The following SV2C variants were observed in gnomAD, a reference collection of about 807,000 sequenced individuals.
SV2C encodes solute carrier family 22 member B3.
In SV2C, 49 loss-of-function variants were observed where a neutral mutation model predicts 79.7. The ratio of observed to expected loss-of-function variants is 0.61; its 90% CI spans 0.49 to 0.78. The LOEUF is 0.78. Among genes scored for constraint, SV2C ranks in the 30% least tolerant of loss-of-function variants. The pLI is 0.00. For missense variants in SV2C, 833 were observed against 912.9 expected (o/e 0.91, Z 1.13); for synonymous variants, 334 against 333.2 (o/e 1.00, Z -0.03).
chr5:76,332,246 C>G lies in SV2C; in HGVS notation c.*6699C>G, dbSNP rs546036680. The G allele has an allele frequency of 6.6e-6, 1 of 152,164 alleles. No individual in the cohort carries two copies. The highest frequency in any genetic ancestry group is 1.5e-5 in the Non-Finnish European group (1 of 68,044). 9.4% of individuals were successfully genotyped at this position (152,164 alleles called of 1,614,324 possible). A position where few individuals can be genotyped will look rare whatever the true frequency, so the allele number is the denominator to read the frequency against. On this transcript the variant is annotated 3_prime_UTR_variant, in exon 13 of 13. Coordinates refer to ENST00000502798, the MANE Select transcript of SV2C (RefSeq NM_014979.4). ...TTTCAACCCTTTGTTCAGACTCAGACGGGTTTCAACTCAAGCGGGTAATCT... is the reference window on the plus strand; with the variant it reads ...TTTCAACCCTTTGTTCAGACTCAGAGGGGTTTCAACTCAAGCGGGTAATCT...
the SV2C span, among the ~76,000 whole-genome samples, chr5:75,896,415 AG>A: frequency 1.3e-5 from 2 of 150,694 alleles, no homozygotes; most frequent in Non-Finnish European, 2.9e-5. Flanking sequence ...ATGGCTGCAT[AG>A]TATTCCATGG....
chr5:76,038,557 A>C, the SV2C span, among the ~76,000 whole-genome samples: 1 of 152,252 alleles, frequency 6.6e-6, no homozygotes, highest in Non-Finnish European at 1.5e-5. Flanking sequence ...AATGTTAATA[A>C]GGCAGATAAA....
chr5:75,923,237 C>T, the SV2C span, among the ~76,000 whole-genome samples: 10 of 152,140 alleles, frequency 6.6e-5, no homozygotes, highest in Non-Finnish European at 1.3e-4. Flanking sequence ...GAAACTGGAT[C>T]CCAATCTTTC....
intron 4 of SV2C, among the ~76,000 whole-genome samples, chr5:76,237,451 T>G (rs1745646405): frequency 6.6e-6 from 1 of 152,216 alleles, no homozygotes; most frequent in African/African-American, 2.4e-5. Context: ...GAGTTCTTGG[T>G]CCTTCCGTTT....
chr5:76,301,173 G>A (rs571833568), intron 11 of SV2C, among the ~76,000 whole-genome samples: 1 of 152,298 alleles, frequency 6.6e-6, no homozygotes, highest in East Asian at 1.9e-4. Context: ...TCAAGTAGCT[G>A]AGTAAAAGAT....
chr5:76,336,981 AT>A (rs1480575411), downstream of SV2C, among the ~76,000 whole-genome samples: 2 of 152,118 alleles, frequency 1.3e-5, no homozygotes, highest in Admixed American at 1.3e-4. Context: ...CAAATGTGAA[AT>A]TCCTAATAAT....
chr5:75,967,284 G>A, the SV2C span, among the ~76,000 whole-genome samples: 136 of 152,270 alleles, frequency 8.9e-4, no homozygotes, highest in African/African-American at 3.2e-3. Context: ...TCCAACTGAG[G>A]TACCGGGTTC....
At chr5:76,190,547 G>T (rs1398582859) in intron 2 of SV2C, among the ~76,000 whole-genome samples, 1 of 152,134 alleles carries the variant, frequency 6.6e-6, no homozygotes, top group Admixed American at 6.5e-5. Context: ...CTAGAGTCGG[G>T]GATTCGCTGA....
At chr5:75,935,556 T>A in the SV2C span, among the ~76,000 whole-genome samples, 3 of 152,138 alleles carry the variant, frequency 2.0e-5, no homozygotes, top group African/African-American at 7.2e-5. Flanking sequence ...ATGGGTATAA[T>A]TAAGAGCATA....
intron 1 of SV2C, among the ~76,000 whole-genome samples, chr5:76,097,199 T>TA (rs1307757836): frequency 2.0e-5 from 3 of 152,154 alleles, no homozygotes; most frequent in East Asian, 1.9e-4. Flanking sequence ...TCTATTTAGG[T>TA]AAAAAAATCT....
chr5:75,931,318 C>G, the SV2C span, among the ~76,000 whole-genome samples: 3 of 152,170 alleles, frequency 2.0e-5, no homozygotes, highest in Admixed American at 1.3e-4. Context: ...CTAGTTTACA[C>G]TTGGTCACAA....
chr5:76,013,852 A>G, the SV2C span, among the ~76,000 whole-genome samples: 1 of 152,154 alleles, frequency 6.6e-6, no homozygotes, highest in African/African-American at 2.4e-5. Context: ...AGAAAACAAT[A>G]TTTGGTAAGG....
chr5:76,023,963 A>G, the SV2C span, among the ~76,000 whole-genome samples: 2 of 151,584 alleles, frequency 1.3e-5, no homozygotes, highest in Non-Finnish European at 2.9e-5. Flanking sequence ...CCATTGCAAC[A>G]ATAAAAAATG....
chr5:75,879,739 C>A, the SV2C span, among the ~76,000 whole-genome samples: 1 of 152,230 alleles, frequency 6.6e-6, no homozygotes, highest in African/African-American at 2.4e-5. Flanking sequence ...CTTCCCATAG[C>A]TCCACTAGGC....
At chr5:75,850,877 AT>A in the SV2C span, among the ~76,000 whole-genome samples, 2 of 152,002 alleles carry the variant, frequency 1.3e-5, no homozygotes, top group Non-Finnish European at 2.9e-5. Flanking sequence ...GCTAACTTGG[AT>A]TTTTCTATCA....
At chr5:76,349,491 A>G (rs1222334735) in intron 12 of SV2C, among the ~76,000 whole-genome samples, 1 of 152,058 alleles carries the variant, frequency 6.6e-6, no homozygotes. Context: ...CAGCCTGGGC[A>G]CTCCAGATGG....
chr5:76,248,208 A>G lies in SV2C; in HGVS notation c.914-36954A>G, dbSNP rs1746004107. On this transcript the variant is annotated intron_variant, in intron 4 of 12. Coordinates refer to ENST00000502798, the MANE Select transcript of SV2C (RefSeq NM_014979.4). ...TCATAGGCAGCTATGTTAGTTTGCT[A>G]GGGCTGCCATAACAAAGTGCCACAG... 1.3e-5 allele frequency among the ~76,000 whole-genome samples: 2 copies of G among 152,342 alleles called. 1 individual carries two copies. Among genetic ancestry groups the G allele is most frequent in the South Asian group, 4.1e-4 (2 of 4,828 alleles).
chr5:76,012,158 G>A, the SV2C span, among the ~76,000 whole-genome samples: 1 of 152,104 alleles, frequency 6.6e-6, no homozygotes, highest in Non-Finnish European at 1.5e-5. Flanking sequence ...GGTATTTCTT[G>A]TTTAAGATCC....
chr5:76,276,960 ATATAGGCAC>A (rs1747042474), intron 4 of SV2C, among the ~76,000 whole-genome samples: 1 of 152,198 alleles, frequency 6.6e-6, no homozygotes, highest in Admixed American at 6.5e-5. Context: ...TGACAGGCAC[ATATAGGCAC>A]TAAAGTAGGA....
Sources: allele counts gnomAD v4.1 joint callset (sites outside exome capture counted in the v4.1 genomes callset), GRCh38; gene constraint gnomAD v4.1.1; transcripts MANE v1.5; gene names NCBI Gene and HGNC (gene_info 2026-07-23, HGNC 2026-07-21).